ZNF704: variants seen among roughly 807,000 people sequenced by gnomAD.
ZNF704 encodes zinc finger protein 704.
Under a neutral mutation model 44.7 loss-of-function variants are expected in ZNF704, and 10 were observed. The observed-to-expected ratio is 0.22, with a 90% CI of 0.14 to 0.38. ZNF704 has a LOEUF of 0.38. Among genes scored for constraint, ZNF704 ranks in the 10% least tolerant of loss-of-function variants. The probability of loss-of-function intolerance (pLI) is 1.00; values close to 1 mark genes in which losing one functional copy is unlikely to be tolerated. For missense variants in ZNF704, 390 were observed against 545.5 expected, an observed-to-expected ratio of 0.71 and a Z score of 2.84; for synonymous variants, 211 against 207.6, an observed-to-expected ratio of 1.02 and a Z score of -0.14.
chr8:80,865,753 A>G (rs1345967715), intron 1 of ZNF704, among the ~76,000 whole-genome samples: 2 of 152,124 alleles, frequency 1.3e-5, no homozygotes, highest in Admixed American at 6.5e-5. Flanking sequence ...ACCTCCATGG[A>G]GCAGTGCCCA....
At chr8:80,676,439 C>T (rs1378643452) in intron 4 of ZNF704, among the ~76,000 whole-genome samples, 2 of 152,022 alleles carry the variant, frequency 1.3e-5, no homozygotes, top group Non-Finnish European at 2.9e-5. Context: ...AGAGGGGCTG[C>T]CTTGGATGAG....
In ZNF704 at chr8:80,639,483, G is replaced by A. The variant is rs372365748; in HGVS notation, c.*1883C>T. ...AAACATACAGTATTGCTGGTGCTGT[G>A]ACTAGTACTGATTGGTAATCAAGAT... is the stretch of plus-strand genomic sequence containing the variant. On this transcript the variant is annotated 3_prime_UTR_variant, in exon 9 of 9. Coordinates refer to ENST00000327835, the MANE Select transcript of ZNF704 (RefSeq NM_001033723.3). 2 of 152,180 alleles carry A rather than the reference G, an allele frequency of 1.3e-5. No individual in the cohort carries two copies. The highest frequency in any genetic ancestry group is 1.9e-4 in the East Asian group (1 of 5,196). 9.4% of individuals were successfully genotyped at this position (152,180 alleles called of 1,614,324 possible). A position where few individuals can be genotyped will look rare whatever the true frequency, so the allele number is the denominator to read the frequency against.
chr8:80,669,036 C>T (rs1389052521), intron 5 of ZNF704, among the ~76,000 whole-genome samples: 1 of 152,150 alleles, frequency 6.6e-6, no homozygotes, highest in Non-Finnish European at 1.5e-5. Flanking sequence ...AAAGTGGTTG[C>T]ATGTTAGATT....
intron 4 of ZNF704, among the ~76,000 whole-genome samples, chr8:80,671,651 T>G (rs1209678072): frequency 6.6e-6 from 1 of 152,248 alleles, no homozygotes; most frequent in Non-Finnish European, 1.5e-5. Flanking sequence ...CTTTGCTGAC[T>G]GTTCCCTTGG....
chr8:80,884,286 C>T, the ZNF704 span, among the ~76,000 whole-genome samples: 1 of 152,212 alleles, frequency 6.6e-6, no homozygotes, highest in African/African-American at 2.4e-5. Context: ...TGATTACCTT[C>T]CATTTCTTTG....
chr8:80,704,130 G>A (rs1818858544), intron 2 of ZNF704, among the ~76,000 whole-genome samples: 1 of 152,142 alleles, frequency 6.6e-6, no homozygotes, highest in Non-Finnish European at 1.5e-5. Context: ...ACTCTAGAAT[G>A]TCAGCAATAA....
chr8:80,763,197 C>A (rs951222939), intron 2 of ZNF704, among the ~76,000 whole-genome samples: 4 of 152,242 alleles, frequency 2.6e-5, no homozygotes, highest in African/African-American at 7.2e-5. Context: ...CTTCTCACAG[C>A]TCCACTTGGC....
chr8:80,664,979 G>C lies in ZNF704; in HGVS notation c.763C>G (p.Pro255Ala), dbSNP rs1364142047. ...GCCAGGGACTGGGAAGGTGAGACCG[G>C]GGCCAGGCTGCTCAGCCCGTCTGCC... ...SVADGLSSLAPVSPSQSLASP... is the reference protein window; with the variant it reads ...SVADGLSSLAAVSPSQSLASP... The change falls in exon 6 of 9, where the codon CCG becomes GCG. Residue 255 changes from proline to alanine, a missense_variant. This residue lies in a region of ZNF704 where 305 missense variants were observed against 435.7 expected (regional missense o/e 0.70). Transcript: ENST00000327835. The C allele has an allele frequency of 5.6e-6, 9 of 1,614,118 alleles. No homozygotes were observed. Among genetic ancestry groups the C allele is most frequent in the African/African-American group, 1.3e-5 (1 of 74,940 alleles).
intron 7 of ZNF704, among the ~76,000 whole-genome samples, chr8:80,647,471 G>T (rs916113184): frequency 1.1e-4 from 17 of 151,780 alleles, no homozygotes; most frequent in Admixed American, 1.1e-3. Flanking sequence ...TTAAAAGTAA[G>T]ACATCTGATT....
rs147936968 is a variant in ZNF704 at position 80,843,207 on chromosome 8, G to T, written c.-21-21592C>A. Among the ~76,000 whole-genome samples the T allele has an allele frequency of 2.5e-3, 375 of 152,264 alleles. 2 individuals are homozygous for T. Among genetic ancestry groups the T allele is most frequent in the African/African-American group, 8.1e-3 (337 of 41,526 alleles). On this transcript the variant is annotated intron_variant, in intron 1 of 8. Coordinates refer to ENST00000327835, the MANE Select transcript of ZNF704 (RefSeq NM_001033723.3). ...TGTCATTTAATTTAGTACTTTGAAA[G>T]ACAGAATCTGTAGACGGTGGGACTT...
chr8:80,767,334 C>T (rs1349144374), intron 2 of ZNF704, among the ~76,000 whole-genome samples: 1 of 151,772 alleles, frequency 6.6e-6, no homozygotes, highest in Non-Finnish European at 1.5e-5. Flanking sequence ...TCTAAGGACA[C>T]CGAGAAACAC....
At chr8:80,675,473 G>GT (rs111402539) in intron 4 of ZNF704, among the ~76,000 whole-genome samples, 5,538 of 147,476 alleles carry the variant, frequency 0.038, 164 homozygotes, top group Middle Eastern at 0.069. Flanking sequence ...GTTTTGTTTT[G>GT]TTTTTTTTTT....
At chr8:80,857,049 C>CT (rs907537509) in intron 1 of ZNF704, among the ~76,000 whole-genome samples, 3 of 151,922 alleles carry the variant, frequency 2.0e-5, no homozygotes, top group Non-Finnish European at 2.9e-5. Flanking sequence ...TTTCACATAC[C>CT]TTTTTTGTAC....
intron 2 of ZNF704, among the ~76,000 whole-genome samples, chr8:80,735,834 A>G (rs59970842): frequency 0.02 from 3,085 of 152,250 alleles, 114 homozygotes; most frequent in African/African-American, 0.07. Flanking sequence ...CAAACTAGTA[A>G]TTTATTTTTT....
At chr8:80,796,504 T>C (rs896957913) in intron 2 of ZNF704, among the ~76,000 whole-genome samples, 18 of 152,202 alleles carry the variant, frequency 1.2e-4, no homozygotes, top group Admixed American at 4.6e-4. Context: ...ATTCAAACCA[T>C]AGAATTCTGC....
At chr8:80,730,538 TAAA>T (rs148942015) in intron 2 of ZNF704, among the ~76,000 whole-genome samples, 4,128 of 63,346 alleles carry the variant, frequency 0.065, 97 homozygotes, top group Middle Eastern at 0.11. Flanking sequence ...GACTACATCT[TAAA>T]AAAAAAAAAA....
At chr8:80,691,911 C>T (rs539879635) in intron 3 of ZNF704, among the ~76,000 whole-genome samples, 1 of 152,314 alleles carries the variant, frequency 6.6e-6, no homozygotes, top group Admixed American at 6.5e-5. Context: ...GGAAGTCATC[C>T]TTGACACACC....
intron 7 of ZNF704, among the ~76,000 whole-genome samples, chr8:80,652,563 T>A (rs1438030991): frequency 1.3e-5 from 2 of 151,798 alleles, no homozygotes; most frequent in Admixed American, 1.3e-4. Context: ...AACTAGAAAA[T>A]CTAGAAGAAA....
chr8:80,711,917 C>A (rs1818993483), intron 2 of ZNF704, among the ~76,000 whole-genome samples: 1 of 152,154 alleles, frequency 6.6e-6, no homozygotes, highest in African/African-American at 2.4e-5. Context: ...ACAAACAACA[C>A]CCAAAGCAAT....
Sources: allele counts gnomAD v4.1 joint callset (sites outside exome capture counted in the v4.1 genomes callset), GRCh38; gene constraint gnomAD v4.1.1; regional missense constraint gnomAD v4.1.1; transcripts MANE v1.5; gene names NCBI Gene and HGNC (gene_info 2026-07-23, HGNC 2026-07-21).